The following RXRG variants were observed in gnomAD, a reference collection of about 807,000 sequenced individuals.
RXRG encodes retinoid X receptor gamma.
In RXRG, 19 loss-of-function variants were observed where a neutral mutation model predicts 49.2. That is an observed-to-expected ratio of 0.39 (90% CI 0.27 to 0.57). The LOEUF is 0.57. Ranked by LOEUF, RXRG falls within the 20% of genes least tolerant of loss-of-function variation. RXRG has a pLI of 0.64. For missense variants in RXRG, 452 were observed against 592.5 expected (o/e 0.76, Z 2.46); for synonymous variants, 224 against 216.6 (o/e 1.03, Z -0.30).
At chr1:165,416,972 A>G (rs535505026) in intron 4 of RXRG, 69 bp downstream of exon 4, 12 of 1,441,740 alleles carry the variant, frequency 8.3e-6, no homozygotes, top group Middle Eastern at 2.3e-4. Flanking sequence ...CGTGTATTGC[A>G]GTTGAATGTC....
Position 165,408,087 on chromosome 1 carries a change from G to A in RXRG, c.1138+140C>T, listed in dbSNP as rs1175831315. ...AACATTTTCCAAAATGGCTCTAGCT[G>A]ACACTGTGAGCTCTCCTGGATTCCT... is the stretch of plus-strand genomic sequence containing the variant. On this transcript the variant is annotated intron_variant, in intron 8 of 9. Coordinates refer to ENST00000359842, the MANE Select transcript of RXRG (RefSeq NM_006917.5). The A allele has an allele frequency of 4.3e-6, 3 of 692,660 alleles. No homozygotes were observed. In the African/African-American group the frequency reaches 5.3e-5, roughly 12 times the overall value. The allele number at this position is 692,660 out of a possible 1,614,324, so 42.9% of individuals were successfully genotyped here.
intron 2 of RXRG, among the ~76,000 whole-genome samples, chr1:165,427,693 C>T (rs1438130909): frequency 6.6e-6 from 1 of 152,156 alleles, no homozygotes; most frequent in Non-Finnish European, 1.5e-5. Context: ...CCACCCACTT[C>T]GGCCTCCCAA....
At chr1:165,437,271 C>T (rs1658845074) in intron 1 of RXRG, 6 of 1,330,120 alleles carry the variant, frequency 4.5e-6, no homozygotes, top group Non-Finnish European at 6.0e-6. Flanking sequence ...TGTATATGGG[C>T]TGTGTAAGAC....
chr1:165,418,211 T>G (rs1658195147), intron 3 of RXRG, among the ~76,000 whole-genome samples: 1 of 151,276 alleles, frequency 6.6e-6, no homozygotes, highest in Non-Finnish European at 1.5e-5. Flanking sequence ...ACACATGCAG[T>G]TTTCAATTAC....
In RXRG at chr1:165,411,178, A is replaced by C. The variant is rs1432852421; in HGVS notation, c.623-69T>G. 10 of 1,478,770 alleles carry C rather than the reference A, an allele frequency of 6.8e-6. No individual in the cohort carries two copies. The East Asian group carries it at 2.3e-4, about 34-fold the overall frequency. The allele number at this position is 1,478,770 out of a possible 1,614,324, so 91.6% of individuals were successfully genotyped here. On this transcript the variant is annotated intron_variant, in intron 4 of 9. Coordinates refer to ENST00000359842, the MANE Select transcript of RXRG (RefSeq NM_006917.5). ...ACAACAGTGGGAAAGTTTATTACCC[A>C]CATGAGCCTCAATTTACTCATCTAT... is the stretch of plus-strand genomic sequence containing the variant.
chr1:165,429,733 G>A (rs754982755), intron 1 of RXRG, among the ~76,000 whole-genome samples: 8 of 152,172 alleles, frequency 5.3e-5, no homozygotes, highest in Admixed American at 1.3e-4. Context: ...CCAGACTGCC[G>A]AGACCATTTC....
intron 9 of RXRG, among the ~76,000 whole-genome samples, chr1:165,404,555 A>G (rs1394006664): frequency 1.3e-5 from 2 of 152,256 alleles, no homozygotes; most frequent in Non-Finnish European, 2.9e-5. Context: ...AGTTGTCAGT[A>G]ATTGAATAAA....
intron 1 of RXRG, among the ~76,000 whole-genome samples, chr1:165,441,861 T>C (rs1326025930): frequency 6.6e-6 from 1 of 152,144 alleles, no homozygotes; most frequent in Non-Finnish European, 1.5e-5. Flanking sequence ...GTTTCTCTCA[T>C]CATTACATGG....
In RXRG at chr1:165,436,896, T is replaced by C. The variant is rs1658831289; in HGVS notation, c.50-7930A>G. 3 of 1,106,436 alleles carry C rather than the reference T, an allele frequency of 2.7e-6. No homozygotes were observed. The South Asian group carries it at 6.8e-5, about 25-fold the overall frequency. 68.5% of individuals were successfully genotyped at this position (1,106,436 alleles called of 1,614,324 possible). On this transcript the variant is annotated intron_variant, in intron 1 of 9. Coordinates refer to ENST00000359842, the MANE Select transcript of RXRG (RefSeq NM_006917.5). ...ATCAATCCCAAACTCCTGGTGGGAT[T>C]TCAGAATTAACAACCAAACTTGAAA...
chr1:165,414,247 T>C (rs1431962884), intron 4 of RXRG, among the ~76,000 whole-genome samples: 1 of 152,230 alleles, frequency 6.6e-6, no homozygotes, highest in Non-Finnish European at 1.5e-5. Context: ...TTCACTATTC[T>C]TTCTGTTTCT....
intron 9 of RXRG, among the ~76,000 whole-genome samples, chr1:165,405,387 A>G (rs954196503): frequency 3.3e-5 from 5 of 152,234 alleles, no homozygotes; most frequent in Non-Finnish European, 4.4e-5. Context: ...ATAGTGAACT[A>G]CCAGGTTCAC....
intron 4 of RXRG, 105 bp from the exon 5 acceptor site, chr1:165,411,214 TC>T (rs1657936763): frequency 3.5e-6 from 4 of 1,148,424 alleles, no homozygotes; most frequent in Non-Finnish European, 4.9e-6. Context: ...GAAAGGGGAA[TC>T]ATTATGATCC....
At chr1:165,441,656 T>A (rs1303607995) in intron 1 of RXRG, among the ~76,000 whole-genome samples, 2 of 152,206 alleles carry the variant, frequency 1.3e-5, no homozygotes, top group East Asian at 3.8e-4. Flanking sequence ...AGTGTGTTTG[T>A]TAAATGAAAT....
In RXRG at chr1:165,445,078, G is replaced by C; in HGVS notation, c.-185C>G. 2 of 616,974 alleles carry C rather than the reference G, an allele frequency of 3.2e-6. No individual in the cohort carries two copies. The highest frequency in any genetic ancestry group is 5.8e-6 in the Non-Finnish European group (2 of 341,942). 38.2% of individuals were successfully genotyped at this position (616,974 alleles called of 1,614,324 possible). Reference sequence around the variant, plus strand: ...TTAGTCAGGAATCTGCCTCTAGATCGGAGAGTCCACATAGTGCGTTTGAGA... The same window carrying C: ...TTAGTCAGGAATCTGCCTCTAGATCCGAGAGTCCACATAGTGCGTTTGAGA... On this transcript the variant is annotated 5_prime_UTR_variant, in exon 1 of 10. Coordinates refer to ENST00000359842, the MANE Select transcript of RXRG (RefSeq NM_006917.5).
chr1:165,420,208 T>C (rs1658266648), intron 2 of RXRG, among the ~76,000 whole-genome samples, 194 bp from the exon 3 acceptor site: 1 of 152,192 alleles, frequency 6.6e-6, no homozygotes, highest in Non-Finnish European at 1.5e-5. Context: ...AGGAACAAAA[T>C]TATTTCTAGA....
chr1:165,434,468 C>A (rs1251850711), intron 1 of RXRG, among the ~76,000 whole-genome samples: 1 of 152,170 alleles, frequency 6.6e-6, no homozygotes, highest in East Asian at 1.9e-4. Flanking sequence ...GACAAGGGAG[C>A]AAATGGCCTG....
intron 2 of RXRG, among the ~76,000 whole-genome samples, chr1:165,423,242 C>A (rs968302714): frequency 6.6e-6 from 1 of 152,230 alleles, no homozygotes; most frequent in Non-Finnish European, 1.5e-5. Flanking sequence ...CCCCCAATCC[C>A]GGCTGTCTTG....
intron 2 of RXRG, among the ~76,000 whole-genome samples, chr1:165,421,964 C>T (rs936039805): frequency 2.0e-5 from 3 of 152,112 alleles, no homozygotes; most frequent in Non-Finnish European, 2.9e-5. Context: ...CACTTGGATC[C>T]GACTCATGAA....
At chr1:165,410,677 A>C (rs1414218250) in intron 6 of RXRG, 25 bp downstream of exon 6, 2 of 1,608,510 alleles carry the variant, frequency 1.2e-6, no homozygotes, top group Non-Finnish European at 1.7e-6. Context: ...TTGTCCCAGG[A>C]AAAAAGGCAG....
Sources: allele counts gnomAD v4.1 joint callset (sites outside exome capture counted in the v4.1 genomes callset), GRCh38; gene constraint gnomAD v4.1.1; transcripts MANE v1.5; gene names NCBI Gene and HGNC (gene_info 2026-07-23, HGNC 2026-07-21).